OR8G5: variants seen among roughly 807,000 people sequenced by gnomAD.
OR8G5 encodes olfactory receptor family 8 subfamily G member 5, also known as olfactory receptor 8G5.
For synonymous variants in OR8G5, 147 were observed against 147.7 expected (o/e 1.00, Z 0.03); for missense variants, 347 against 371.9 (o/e 0.93, Z 0.55).
intron 1 of OR8G5, among the ~76,000 whole-genome samples, chr11:124,261,037 C>CT: frequency 6.6e-6 from 1 of 151,862 alleles, no homozygotes; most frequent in East Asian, 1.9e-4. Flanking sequence ...ATGAGATCAG[C>CT]TTTTTTAGCT....
In OR8G5 at chr11:124,264,969, T is replaced by C. The variant is rs1423079054; in HGVS notation, c.38T>C (p.Ile13Thr). The C allele has an allele frequency of 1.2e-6, 2 of 1,613,866 alleles. No homozygotes were observed. The highest frequency in any genetic ancestry group is 8.5e-7 in the Non-Finnish European group (1 of 1,179,878). Reference sequence around the variant, plus strand: ...AACCATTCTTTTGTGACTAAGTTTATTCTGGTTGGGCTAACAGAGAAGTCA... The same window carrying C: ...AACCATTCTTTTGTGACTAAGTTTACTCTGGTTGGGCTAACAGAGAAGTCA... The part of the protein sequence containing the change: ...AENHSFVTKF[I>T]LVGLTEKSEL... Residue 13 changes from isoleucine to threonine, a missense_variant, in exon 2 of 2, where the codon ATT (isoleucine) becomes ACT (threonine). Physicochemically the swap from Ile to Thr is moderately conservative, Grantham distance 89. Coordinates refer to ENST00000641992, the MANE Select transcript of OR8G5 (RefSeq NM_001005198.2).
intron 1 of OR8G5, among the ~76,000 whole-genome samples, chr11:124,258,987 C>A (rs1861939023): frequency 6.6e-6 from 1 of 151,910 alleles, no homozygotes; most frequent in African/African-American, 2.4e-5. Flanking sequence ...TTTTAAAATG[C>A]CTTTATGCTT....
chr11:124,264,959 A>G lies in OR8G5; in HGVS notation c.28A>G (p.Thr10Ala). Residue 10 changes from threonine to alanine, a missense_variant, in exon 2 of 2, where the codon ACT becomes GCT. Transcript: ENST00000641992. ...GGCAGCAGAAAACCATTCTTTTGTG[A>G]CTAAGTTTATTCTGGTTGGGCTAAC... MAAENHSFV[T>A]KFILVGLTEK... 1 of 1,613,858 alleles carries G rather than the reference A, an allele frequency of 6.2e-7. No individual in the cohort carries two copies. The highest frequency in any genetic ancestry group is 8.5e-7 in the Non-Finnish European group (1 of 1,179,858).
intron 1 of OR8G5, among the ~76,000 whole-genome samples, chr11:124,259,138 T>G (rs895988123): frequency 6.7e-6 from 1 of 150,048 alleles, no homozygotes; most frequent in Non-Finnish European, 1.5e-5. Flanking sequence ...TCATCATCAT[T>G]GATTTAGAAG....
At position 124,265,039 on chromosome 11, in the gene OR8G5, A is replaced by C. The variant is rs374139962; in HGVS notation, c.108A>C (p.Val36=). Residue 36 remains valine (V), a synonymous_variant, in exon 2 of 2, where the codon GTA becomes GTC. Transcript: ENST00000641992. ...TCCTCGTCTTCCTGGGAATCTATGT[A>C]GTCACAGTGCTGGGGAACCTGGGCA... ...PLFLVFLGIY[V]VTVLGNLGMI... is the part of the protein sequence containing the mutation. 190 of 1,614,000 alleles carry C rather than the reference A, an allele frequency of 1.2e-4. No individual in the cohort carries two copies. The highest frequency in any genetic ancestry group is 1.5e-4 in the Non-Finnish European group (174 of 1,180,010).
chr11:124,260,165 A>T (rs903126236), intron 1 of OR8G5, among the ~76,000 whole-genome samples: 1 of 140,864 alleles, frequency 7.1e-6, no homozygotes, highest in African/African-American at 2.5e-5. Context: ...TATATTTTTC[A>T]TAGTCATGCA....
chr11:124,262,313 G>T (rs1861979191), intron 1 of OR8G5, among the ~76,000 whole-genome samples: 2 of 151,712 alleles, frequency 1.3e-5, no homozygotes, highest in South Asian at 4.1e-4. Context: ...AAAAAATTTT[G>T]CATAGCCTAC....
intron 1 of OR8G5, among the ~76,000 whole-genome samples, chr11:124,262,672 T>TAC (rs144755103): frequency 0.12 from 17,601 of 150,738 alleles, 1,227 homozygotes; most frequent in Non-Finnish European, 0.16. Context: ...TATATGTACA[T>TAC]ATACACACAC....
At chr11:124,261,527 A>C (rs1830191339) in intron 1 of OR8G5, among the ~76,000 whole-genome samples, 1 of 151,968 alleles carries the variant, frequency 6.6e-6, no homozygotes, top group African/African-American at 2.4e-5. Context: ...CATAGCAATA[A>C]AGATTTTGGT....
At chr11:124,264,049 A>G (rs1180953680) in intron 1 of OR8G5, among the ~76,000 whole-genome samples, 2 of 152,200 alleles carry the variant, frequency 1.3e-5, no homozygotes, top group Non-Finnish European at 2.9e-5. Context: ...ATTTCTTACT[A>G]TCTTCCCATT....
At chr11:124,259,715 C>A (rs1282249863) in intron 1 of OR8G5, among the ~76,000 whole-genome samples, 1 of 151,990 alleles carries the variant, frequency 6.6e-6, no homozygotes, top group Admixed American at 6.6e-5. Context: ...TTGGGAAATA[C>A]CTGAATCAAC....
chr11:124,257,220 T>C (rs550748821), intron 1 of OR8G5, among the ~76,000 whole-genome samples: 1 of 152,352 alleles, frequency 6.6e-6, no homozygotes, highest in Admixed American at 6.5e-5. Flanking sequence ...CCCTAATTTT[T>C]CTGAAGATGG....
chr11:124,263,133 G>C (rs1861989620), intron 1 of OR8G5, among the ~76,000 whole-genome samples: 1 of 151,938 alleles, frequency 6.6e-6, no homozygotes, highest in African/African-American at 2.4e-5. Context: ...CTGTGAGATA[G>C]CTCTTCTGAT....
chr11:124,261,845 A>T (rs555415726), intron 1 of OR8G5, among the ~76,000 whole-genome samples: 1 of 151,992 alleles, frequency 6.6e-6, no homozygotes, highest in Non-Finnish European at 1.5e-5. Flanking sequence ...GTTAGCTACA[A>T]TGAAATTAAG....
At chr11:124,258,665 A>G (rs1014953279) in intron 1 of OR8G5, among the ~76,000 whole-genome samples, 1 of 152,166 alleles carries the variant, frequency 6.6e-6, no homozygotes, top group African/African-American at 2.4e-5. Flanking sequence ...TGCCAACCTC[A>G]TAGTGCCCAT....
intron 1 of OR8G5, chr11:124,264,666 G>A (rs1862009948): frequency 1.9e-6 from 1 of 519,860 alleles, no homozygotes; most frequent in Non-Finnish European, 3.4e-6. Context: ...CTGACTTGAA[G>A]ATCATTGAAA....
chr11:124,263,717 C>A (rs1861998512), intron 1 of OR8G5, among the ~76,000 whole-genome samples: 1 of 114,980 alleles, frequency 8.7e-6, no homozygotes, highest in Non-Finnish European at 2.1e-5. Flanking sequence ...GTTGTTTTTC[C>A]AGAAGTTTTA....
chr11:124,259,794 A>G (rs901076025), intron 1 of OR8G5, among the ~76,000 whole-genome samples: 5 of 152,104 alleles, frequency 3.3e-5, no homozygotes, highest in African/African-American at 7.2e-5. Flanking sequence ...CCATAACTCT[A>G]TCTTATCCAG....
rs148518043 is a variant in OR8G5 at position 124,261,354 on chromosome 11, A to G, written c.-14-3564A>G. Among the ~76,000 whole-genome samples, 1,118 of 152,064 alleles carry G rather than the reference A, an allele frequency of 7.4e-3. 9 individuals are homozygous for G. The highest frequency in any genetic ancestry group is 0.026 in the African/African-American group (1,070 of 41,546). ...TGTGCTTCTTTCAAAAATAAATTTT[A>G]ATATAAGGAAACAGAAAATCTAATG... On this transcript the variant is annotated intron_variant, in intron 1 of 1. Transcript: ENST00000641992.
Sources: allele counts gnomAD v4.1 joint callset (sites outside exome capture counted in the v4.1 genomes callset), GRCh38; gene constraint gnomAD v4.1.1; transcripts MANE v1.5; gene names NCBI Gene and HGNC (gene_info 2026-07-23, HGNC 2026-07-21).